ZNF208: variants seen among roughly 807,000 people sequenced by gnomAD.
ZNF208 encodes zinc finger protein 208.
A neutral mutation model predicts 12.1 loss-of-function variants in ZNF208; 10 were observed. That is an observed-to-expected ratio of 0.83 (90% CI 0.51 to 1.40). The LOEUF is 1.40. Among genes scored for constraint, ZNF208 ranks in the 40% most tolerant of loss-of-function variants. The pLI, the probability that ZNF208 is intolerant of heterozygous loss-of-function variation, is 0.00. For missense variants in ZNF208, 1,652 were observed against 1,485.0 expected, an observed-to-expected ratio of 1.11 and a Z score of -1.85; for synonymous variants, 497 against 488.4, an observed-to-expected ratio of 1.02 and a Z score of -0.23.
At position 21,968,852 on chromosome 19, in the gene ZNF208, T is replaced by C. The variant is rs1047064326; in HGVS notation, c.*2339A>G. Among the ~76,000 whole-genome samples the C allele has an allele frequency of 6.6e-6, 1 of 152,160 alleles. No individual in the cohort carries two copies. The highest frequency in any genetic ancestry group is 2.4e-5 in the African/African-American group (1 of 41,446). On this transcript the variant is annotated 3_prime_UTR_variant, in exon 4 of 4. Transcript: ENST00000397126. ...AGTAGGTTTATTATTACTTATACAATGTCATTATACATTTTATACATTTTT... is the reference window on the plus strand; with the variant it reads ...AGTAGGTTTATTATTACTTATACAACGTCATTATACATTTTATACATTTTT...
chr19:21,996,019 G>A (rs1970830967), intron 1 of ZNF208, among the ~76,000 whole-genome samples: 1 of 152,138 alleles, frequency 6.6e-6, no homozygotes, highest in South Asian at 2.1e-4. Context: ...GCAAATTCTA[G>A]GTGAAATCAA....
chr19:22,002,731 T>C (rs1183161941), intron 1 of ZNF208, among the ~76,000 whole-genome samples: 1 of 152,174 alleles, frequency 6.6e-6, no homozygotes, highest in African/African-American at 2.4e-5. Context: ...TTTATGCTCA[T>C]GAATAAAAAA....
chr19:21,960,703 C>G (rs1190687361), intron 4 of ZNF208, among the ~76,000 whole-genome samples: 1 of 152,160 alleles, frequency 6.6e-6, no homozygotes, highest in Non-Finnish European at 1.5e-5. Context: ...TATATTGTAG[C>G]TTTTTCTCCA....
At chr19:21,964,966 T>C (rs184141383), downstream of ZNF208, among the ~76,000 whole-genome samples, 62 of 152,082 alleles carry the variant, frequency 4.1e-4, no homozygotes, top group African/African-American at 1.3e-3. Flanking sequence ...AGTACGAAAA[T>C]TTATGTTACT....
At chr19:21,978,095 C>T (rs1440680027) in intron 3 of ZNF208, among the ~76,000 whole-genome samples, 8 of 152,168 alleles carry the variant, frequency 5.3e-5, no homozygotes, top group Admixed American at 2.0e-4. Context: ...AGATAAAACG[C>T]CCATCTCCCT....
chr19:21,997,140 T>C (rs1180068893), intron 1 of ZNF208, among the ~76,000 whole-genome samples: 1 of 152,216 alleles, frequency 6.6e-6, no homozygotes, highest in Non-Finnish European at 1.5e-5. Flanking sequence ...ATTGTTTTAT[T>C]ACACAATTAC....
intron 1 of ZNF208, chr19:21,997,586 C>T (rs939887855): frequency 2.0e-5 from 3 of 152,214 alleles, no homozygotes; most frequent in African/African-American, 7.2e-5. Flanking sequence ...GCACAGGGCT[C>T]ACAGCTGGAA....
intron 4 of ZNF208, among the ~76,000 whole-genome samples, chr19:21,946,723 G>T (rs766095362): frequency 6.6e-6 from 1 of 152,130 alleles, no homozygotes; most frequent in Non-Finnish European, 1.5e-5. Context: ...GAGGCTTCTT[G>T]TCCTAAGTTT....
chr19:21,984,295 C>T (rs1402382141), intron 3 of ZNF208, among the ~76,000 whole-genome samples: 1 of 152,166 alleles, frequency 6.6e-6, no homozygotes, highest in East Asian at 1.9e-4. Flanking sequence ...TGGCTCATGC[C>T]TGTAATCCCA....
At chr19:21,941,101 G>C in intron 4 of ZNF208, 3 of 354,946 alleles carry the variant, frequency 8.5e-6, no homozygotes, top group Non-Finnish European at 5.0e-6. Flanking sequence ...CTGTAAACCA[G>C]GCCTTGCTGA....
At chr19:21,951,842 G>A (rs1450532745) in intron 4 of ZNF208, among the ~76,000 whole-genome samples, 2 of 152,212 alleles carry the variant, frequency 1.3e-5, no homozygotes. Flanking sequence ...AGCAGGACAG[G>A]GTGTCACCTC....
intron 4 of ZNF208, among the ~76,000 whole-genome samples, chr19:21,944,244 T>G (rs1969784816): frequency 6.6e-6 from 1 of 152,146 alleles, no homozygotes; most frequent in Admixed American, 6.5e-5. Context: ...TGAAGCCAAG[T>G]TACCCCAACC....
chr19:21,996,960 G>A (rs1599630261), intron 1 of ZNF208, among the ~76,000 whole-genome samples: 3 of 152,174 alleles, frequency 2.0e-5, no homozygotes, highest in Admixed American at 2.0e-4. Flanking sequence ...CAGCACAACT[G>A]TGAATTGACT....
At chr19:21,995,603 A>T (rs1387220693) in intron 1 of ZNF208, among the ~76,000 whole-genome samples, 1 of 152,190 alleles carries the variant, frequency 6.6e-6, no homozygotes, top group Non-Finnish European at 1.5e-5. Context: ...GATTCTAAAT[A>T]AAAAAATGGA....
chr19:21,953,002 A>T (rs1046893558), intron 4 of ZNF208, among the ~76,000 whole-genome samples: 4 of 152,230 alleles, frequency 2.6e-5, no homozygotes, highest in Non-Finnish European at 5.9e-5. Context: ...AAACCATGGC[A>T]TGAGAACACG....
chr19:21,984,395 T>C lies in ZNF208; in HGVS notation c.226+2821A>G, dbSNP rs139844036. Among the ~76,000 whole-genome samples, 972 of 151,860 alleles carry C rather than the reference T, an allele frequency of 6.4e-3. 6 individuals are homozygous for C. Among genetic ancestry groups the C allele is most frequent in the African/African-American group, 0.022 (911 of 41,424 alleles). The stretch of plus-strand genomic sequence containing the variant: ...TGGTGAAACCCTGTCTCTACTAAAA[T>C]ACAAAAAACTAGTGAGGCTTGGTGG... On this transcript the variant is annotated intron_variant, in intron 3 of 3. Transcript: ENST00000397126.
chr19:21,998,084 G>A (rs537419511), intron 1 of ZNF208: 1 of 149,972 alleles, frequency 6.7e-6, no homozygotes, highest in Non-Finnish European at 1.5e-5. Flanking sequence ...AGGGAAACAT[G>A]AGCATTATTG....
chr19:22,001,892 C>CAAA lies in ZNF208; in HGVS notation c.3+8897_3+8899dup, dbSNP rs58939967. Among the ~76,000 whole-genome samples the CAAA allele has an allele frequency of 6.7e-4, 50 of 74,086 alleles. 6 individuals carry two copies. The highest frequency in any genetic ancestry group is 1.9e-3 in the African/African-American group (40 of 21,340). The allele number at this position is 74,086 out of a possible 152,430, so 48.6% of individuals were successfully genotyped here. On this transcript the variant is annotated intron_variant, in intron 1 of 3. Transcript: ENST00000397126. The stretch of plus-strand genomic sequence containing the variant: ...TGGATGACACAGTGAGACTCCATCC[C>CAAA]AAAAAAAAAAAAAAAAAAAAAAAAA...
At chr19:21,996,769 C>T (rs1350571092) in intron 1 of ZNF208, among the ~76,000 whole-genome samples, 4 of 152,098 alleles carry the variant, frequency 2.6e-5, no homozygotes, top group Admixed American at 1.3e-4. Context: ...CCCATGGTCA[C>T]TGAATCAGTT....
Sources: gnomAD v4.1 joint callset for allele counts (sites outside exome capture counted in the v4.1 genomes callset) on GRCh38, gnomAD v4.1.1 for gene constraint, MANE v1.5 for transcripts, NCBI Gene and HGNC (gene_info 2026-07-23, HGNC 2026-07-21) for gene names.